SNRPN: variants seen among roughly 807,000 people sequenced by gnomAD.
The protein encoded by SNRPN is small nuclear ribonucleoprotein-associated protein N.
SNRPN carries 7 observed loss-of-function variants against 25.2 expected under a neutral mutation model. The ratio of observed to expected loss-of-function variants is 0.28; its 90% confidence interval spans 0.16 to 0.52. The LOEUF (loss-of-function observed/expected upper bound fraction) is 0.52, where lower values mean the gene tolerates loss of function less well. SNRPN is among the 20% of genes least tolerant of loss of function. SNRPN has a pLI of 0.96. For missense variants in SNRPN, 196 were observed against 322.5 expected (o/e 0.61, Z 3.00); for synonymous variants, 124 against 110.6 (o/e 1.12, Z -0.76).
chr15:24,900,383 G>A (rs920112743), intron 2 of SNRPN, among the ~76,000 whole-genome samples: 2 of 152,152 alleles, frequency 1.3e-5, no homozygotes, highest in African/African-American at 4.8e-5. Flanking sequence ...CTTGGAATGG[G>A]GGAATCTGTT....
chr15:24,880,390 C>A (rs1393093716), intron 1 of SNRPN, among the ~76,000 whole-genome samples: 1 of 152,106 alleles, frequency 6.6e-6, no homozygotes, highest in African/African-American at 2.4e-5. Context: ...CAGTCTGCAC[C>A]ACAGCCTCAC....
intron 3 of SNRPN, among the ~76,000 whole-genome samples, chr15:24,928,945 C>T (rs2060606728): frequency 6.6e-6 from 1 of 152,030 alleles, no homozygotes; most frequent in South Asian, 2.1e-4. Context: ...GATACATGAC[C>T]TCAGAACACA....
rs907263368 is a variant in SNRPN, at chr15:24,872,123, A to G, written c.-578-14393A>G. 5.0e-5 allele frequency among the ~76,000 whole-genome samples: 6 copies of G among 120,990 alleles called. 1 individual carries two copies. The highest frequency in any genetic ancestry group is 1.4e-4 in the African/African-American group (5 of 35,428). The allele number at this position is 120,990 out of a possible 152,430, so 79.4% of individuals were successfully genotyped here. A position where few individuals can be genotyped will look rare whatever the true frequency, so the allele number is the denominator to read the frequency against. On this transcript the variant is annotated intron_variant, in intron 1 of 11. Transcript: ENST00000400097. ...TTCTGTTACTTGTGTTTTTTGTGTTATATCTTAGAAACCATTAATTTCAGA... is the reference window on the plus strand; with the variant it reads ...TTCTGTTACTTGTGTTTTTTGTGTTGTATCTTAGAAACCATTAATTTCAGA...
rs563893404 is a variant in SNRPN at position 24,967,476 on chromosome 15, C to A, written c.-294-456C>A. Reference sequence around the variant, plus strand: ...CCAACATGGTGAAACCCCATCTCTACTAAAAATACAAAAAAATTAGCCGAG... The same window carrying A: ...CCAACATGGTGAAACCCCATCTCTAATAAAAATACAAAAAAATTAGCCGAG... On this transcript the variant is annotated intron_variant, in intron 2 of 9. Coordinates refer to ENST00000390687, the MANE Select transcript of SNRPN (RefSeq NM_003097.6). Among the ~76,000 whole-genome samples, 3 of 152,042 alleles carry A rather than the reference C, an allele frequency of 2.0e-5. No homozygotes were observed. The South Asian group carries it at 6.2e-4, about 32-fold the overall frequency.
In SNRPN at chr15:24,879,903, A is replaced by G. The variant is rs1228135509; in HGVS notation, c.-578-6613A>G. ...GTGTTGGGGCAATTCAGTCTTTGGT[A>G]TGCTAATTTGGATGAGATTCACACT... is the stretch of plus-strand genomic sequence containing the variant. On this transcript the variant is annotated intron_variant, in intron 1 of 11. Transcript: ENST00000400097. Among the ~76,000 whole-genome samples, 3 of 152,140 alleles carry G rather than the reference A, an allele frequency of 2.0e-5. No individual in the cohort carries two copies. The East Asian group carries it at 5.8e-4, about 29-fold the overall frequency.
At chr15:24,900,199 C>T (rs2201839) in intron 2 of SNRPN, among the ~76,000 whole-genome samples, 66,654 of 151,956 alleles carry the variant, frequency 0.44, 14,945 homozygotes, top group East Asian at 0.69. Context: ...TGAGTGATTA[C>T]GAACAGAAAA....
upstream of SNRPN, among the ~76,000 whole-genome samples, chr15:24,953,827 G>T (rs670353): frequency 0.98 from 149,612 of 152,308 alleles, 73,499 homozygotes; most frequent in East Asian, 1. Flanking sequence ...CGTTTATTTA[G>T]TTAGCCTATC....
chr15:24,976,521 CAAATA>C, intron 6 of SNRPN, 105 bp downstream of exon 6: 2 of 824,588 alleles, frequency 2.4e-6, no homozygotes, highest in Non-Finnish European at 4.0e-6. Flanking sequence ...CATGGATTGT[CAAATA>C]AAATGTGCCA....
At chr15:24,952,159 A>G (rs1484847190), upstream of SNRPN, among the ~76,000 whole-genome samples, 2 of 152,154 alleles carry the variant, frequency 1.3e-5, no homozygotes, top group African/African-American at 4.8e-5. Flanking sequence ...GTGTACCTGT[A>G]TACATATATA....
intron 2 of SNRPN, chr15:24,848,630 T>A (rs1268823877): frequency 6.6e-6 from 1 of 152,224 alleles, no homozygotes; most frequent in Admixed American, 6.5e-5. Flanking sequence ...ATGTCTTTTT[T>A]GGCATTTGTC....
intron 2 of SNRPN, among the ~76,000 whole-genome samples, chr15:24,837,552 G>A (rs936371342): frequency 5.0e-4 from 76 of 151,720 alleles, no homozygotes; most frequent in Admixed American, 2.4e-3. Context: ...TGTATTTTTG[G>A]TAGAGACGGG....
At chr15:24,927,589 C>T (rs752139275) in intron 3 of SNRPN, among the ~76,000 whole-genome samples, 17 of 141,532 alleles carry the variant, frequency 1.2e-4, no homozygotes, top group South Asian at 2.2e-4. Context: ...CCGGGATATA[C>T]GTTTGGATAA....
intron 3 of SNRPN, among the ~76,000 whole-genome samples, chr15:24,923,892 T>TGTGTGC (rs2152673503): frequency 8.5e-6 from 1 of 117,244 alleles, no homozygotes; most frequent in East Asian, 2.6e-4. Flanking sequence ...TGTGTGTGTG[T>TGTGTGC]GTGTGTGTGT....
chr15:24,840,884 T>A (rs2051631251), intron 2 of SNRPN, among the ~76,000 whole-genome samples: 2 of 152,178 alleles, frequency 1.3e-5, no homozygotes. Context: ...TCTTGCTCTG[T>A]CACCCAGGCT....
intron 4 of SNRPN, 57 bp downstream of exon 4, chr15:24,974,513 GT>G: frequency 6.4e-7 from 1 of 1,562,096 alleles, no homozygotes; most frequent in South Asian, 1.1e-5. Context: ...GAAAGAAATA[GT>G]TTGCCAGCAT....
chr15:24,923,147 C>T (rs2060137401), intron 3 of SNRPN, among the ~76,000 whole-genome samples: 1 of 152,138 alleles, frequency 6.6e-6, no homozygotes, highest in Non-Finnish European at 1.5e-5. Context: ...CTCGGGTGAT[C>T]TGCCTGCCTC....
chr15:24,957,367 G>T (rs1012367184), intron 1 of SNRPN, among the ~76,000 whole-genome samples: 1 of 152,128 alleles, frequency 6.6e-6, no homozygotes, highest in African/African-American at 2.4e-5. Context: ...TATTGGGGTG[G>T]GGTTGTGCTT....
In SNRPN at chr15:24,923,654, T is replaced by TA. The variant is rs541255736; in HGVS notation, c.-391+3535dup. ...AAAAATAATGAACTGTATCTACATG[T>TA]AAAAACCTTGATGAATTTTATAAAC... On this transcript the variant is annotated intron_variant, in intron 3 of 11. Coordinates refer to the SNRPN transcript ENST00000400097. 2.5e-4 allele frequency among the ~76,000 whole-genome samples: 38 copies of TA among 152,290 alleles called. 1 individual carries two copies. The East Asian group carries it at 7.1e-3, about 29-fold the overall frequency.
At chr15:24,836,558 C>A (rs1300646647) in intron 2 of SNRPN, among the ~76,000 whole-genome samples, 3 of 151,796 alleles carry the variant, frequency 2.0e-5, no homozygotes, top group Non-Finnish European at 4.4e-5. Flanking sequence ...ACTATAGGCG[C>A]CCACCACCAC....
Sources: allele counts gnomAD v4.1 joint callset (sites outside exome capture counted in the v4.1 genomes callset), GRCh38; gene constraint gnomAD v4.1.1; transcripts MANE v1.5; gene names NCBI Gene and HGNC (gene_info 2026-07-23, HGNC 2026-07-21).